Variants in NEGR1 observed in about 807,000 individuals in gnomAD.
NEGR1 encodes the protein neuronal growth regulator 1, also known as IgLON family member 4.
A neutral mutation model predicts 40.9 loss-of-function variants in NEGR1; 10 were observed. The observed-to-expected ratio is 0.24, with a 90% CI of 0.15 to 0.42. The LOEUF is 0.42. NEGR1 is among the 10% of genes least tolerant of loss of function. NEGR1 has a pLI of 1.00. For synonymous variants in NEGR1, 185 were observed against 166.8 expected (o/e 1.11, Z -0.84); for missense variants, 352 against 438.9 (o/e 0.80, Z 1.77).
At chr1:71,571,323 A>C (rs1330380931) in intron 6 of NEGR1, among the ~76,000 whole-genome samples, 2 of 152,202 alleles carry the variant, frequency 1.3e-5, no homozygotes, top group Non-Finnish European at 2.9e-5. Flanking sequence ...GACTATTCTC[A>C]TAATTCTCTG....
intron 6 of NEGR1, among the ~76,000 whole-genome samples, chr1:71,485,310 C>T (rs1235957595): frequency 1.3e-5 from 2 of 151,266 alleles, no homozygotes; most frequent in Admixed American, 1.3e-4. Flanking sequence ...AGATTTGCAA[C>T]AAAAATTGAA....
chr1:71,856,417 AT>A (rs1019320674), intron 2 of NEGR1, among the ~76,000 whole-genome samples: 2 of 152,028 alleles, frequency 1.3e-5, no homozygotes, highest in Non-Finnish European at 2.9e-5. Flanking sequence ...AATTTCACCC[AT>A]TTTATTTATT....
At chr1:71,674,519 C>A (rs979373736) in intron 4 of NEGR1, among the ~76,000 whole-genome samples, 1 of 151,382 alleles carries the variant, frequency 6.6e-6, no homozygotes, top group Non-Finnish European at 1.5e-5. Context: ...TATAACAATT[C>A]TAGGTAGTGA....
At chr1:72,097,360 AT>A (rs1436784246) in intron 1 of NEGR1, among the ~76,000 whole-genome samples, 4 of 152,154 alleles carry the variant, frequency 2.6e-5, no homozygotes, top group Non-Finnish European at 5.9e-5. Context: ...AGTATTAACT[AT>A]TGTTGTCAAT....
chr1:71,983,852 T>C (rs6681319), intron 1 of NEGR1, among the ~76,000 whole-genome samples: 5,545 of 152,256 alleles, frequency 0.036, 334 homozygotes, highest in African/African-American at 0.13. Flanking sequence ...ATTTTTTCTA[T>C]TCATAACTTG....
intron 1 of NEGR1, among the ~76,000 whole-genome samples, chr1:71,965,406 A>G (rs1427267510): frequency 6.6e-6 from 1 of 152,170 alleles, no homozygotes; most frequent in Non-Finnish European, 1.5e-5. Flanking sequence ...CTTAGACAAA[A>G]TTAGCATCCA....
chr1:71,451,246 G>A (rs1275387805), intron 6 of NEGR1, among the ~76,000 whole-genome samples: 2 of 151,748 alleles, frequency 1.3e-5, no homozygotes, highest in East Asian at 3.9e-4. Context: ...AAAGTTCTGA[G>A]GTTTTTTTAC....
At chr1:71,993,715 G>T (rs1570588424) in intron 1 of NEGR1, among the ~76,000 whole-genome samples, 1 of 152,222 alleles carries the variant, frequency 6.6e-6, no homozygotes, top group East Asian at 1.9e-4. Context: ...ACATTATAAA[G>T]CAGGAATTAT....
intron 2 of NEGR1, among the ~76,000 whole-genome samples, chr1:71,924,894 T>A (rs757431081): frequency 1.3e-5 from 2 of 152,110 alleles, no homozygotes; most frequent in African/African-American, 2.4e-5. Flanking sequence ...AATCCTTTTT[T>A]TTTTTCTTAT....
chr1:71,543,822 T>C (rs1489801890), intron 6 of NEGR1, among the ~76,000 whole-genome samples: 1 of 151,720 alleles, frequency 6.6e-6, no homozygotes, highest in Non-Finnish European at 1.5e-5. Flanking sequence ...CATCTTTCAG[T>C]GAAGAAAGTG....
chr1:71,444,495 G>A (rs530525122), intron 6 of NEGR1, among the ~76,000 whole-genome samples: 17 of 152,162 alleles, frequency 1.1e-4, no homozygotes, highest in Admixed American at 3.9e-4. Flanking sequence ...CCCATGACAC[G>A]TGGGATATCA....
At chr1:71,673,965 T>C (rs1383780807) in intron 4 of NEGR1, among the ~76,000 whole-genome samples, 1 of 152,112 alleles carries the variant, frequency 6.6e-6, no homozygotes, top group Admixed American at 6.6e-5. Flanking sequence ...ATTTTTACAA[T>C]TAAATATTAG....
At chr1:71,657,520 A>G (rs990454847) in intron 4 of NEGR1, among the ~76,000 whole-genome samples, 4 of 152,200 alleles carry the variant, frequency 2.6e-5, no homozygotes, top group Non-Finnish European at 5.9e-5. Flanking sequence ...TTCTCATTAG[A>G]AATATCCAAC....
intron 1 of NEGR1, among the ~76,000 whole-genome samples, chr1:72,239,456 A>G (rs1364163607): frequency 1.3e-5 from 2 of 151,836 alleles, no homozygotes; most frequent in African/African-American, 4.8e-5. Flanking sequence ...CAGTGTTTTA[A>G]GTATTTCAAC....
chr1:72,152,256 A>C lies in NEGR1; in HGVS notation c.176+130063T>G, dbSNP rs72682725. Among the ~76,000 whole-genome samples, 649 of 152,070 alleles carry C rather than the reference A, an allele frequency of 4.3e-3. 5 individuals are homozygous for C. The highest frequency in any genetic ancestry group is 7.3e-3 in the Non-Finnish European group (498 of 67,862). On this transcript the variant is annotated intron_variant, in intron 1 of 6. Transcript: ENST00000357731. ...TCAAAAATTAAAATAGTAATTAACAATATTTCGTTAAAGAAGAAACCATAA... is the reference window on the plus strand; with the variant it reads ...TCAAAAATTAAAATAGTAATTAACACTATTTCGTTAAAGAAGAAACCATAA...
intron 1 of NEGR1, among the ~76,000 whole-genome samples, chr1:72,056,752 C>T (rs2630386): frequency 0.016 from 2,362 of 151,550 alleles, 60 homozygotes; most frequent in African/African-American, 0.055. Context: ...TTACACACAA[C>T]AGTGTTCTAA....
intron 6 of NEGR1, among the ~76,000 whole-genome samples, chr1:71,555,278 A>G (rs1648220141): frequency 6.6e-6 from 1 of 151,464 alleles, no homozygotes. Flanking sequence ...AATTGGTAGT[A>G]GATGCTTGGA....
intron 1 of NEGR1, among the ~76,000 whole-genome samples, chr1:72,120,894 A>G (rs1649776746): frequency 6.6e-6 from 1 of 151,934 alleles, no homozygotes; most frequent in South Asian, 2.1e-4. Flanking sequence ...GCTTTCACAT[A>G]CAATGTTGTC....
chr1:71,928,779 A>T (rs1645826407), intron 2 of NEGR1, among the ~76,000 whole-genome samples: 1 of 151,962 alleles, frequency 6.6e-6, no homozygotes, highest in Non-Finnish European at 1.5e-5. Context: ...CATTGTGGGG[A>T]AAATTTGTAG....
Sources: gnomAD v4.1 joint callset for allele counts (sites outside exome capture counted in the v4.1 genomes callset) on GRCh38, gnomAD v4.1.1 for gene constraint, MANE v1.5 for transcripts, NCBI Gene and HGNC (gene_info 2026-07-23, HGNC 2026-07-21) for gene names.